GALNT2: variants seen among roughly 807,000 people sequenced by gnomAD.
The protein encoded by GALNT2 is UDP-GalNAc:polypeptide N-acetylgalactosaminyltransferase 2.
A neutral mutation model predicts 81.4 loss-of-function variants in GALNT2; 31 were observed. The observed-to-expected ratio is 0.38, with a 90% CI of 0.29 to 0.51. The LOEUF (loss-of-function observed/expected upper bound fraction) is 0.51, where lower values mean the gene tolerates loss of function less well. Ranked by LOEUF, GALNT2 falls within the 20% of genes least tolerant of loss-of-function variation. GALNT2 has a pLI of 0.87. For synonymous variants in GALNT2, 303 were observed against 287.4 expected, an observed-to-expected ratio of 1.05 and a Z score of -0.55; for missense variants, 629 against 765.7, an observed-to-expected ratio of 0.82 and a Z score of 2.11.
chr1:230,218,894 G>A (rs116622929), intron 3 of GALNT2, among the ~76,000 whole-genome samples: 440 of 152,322 alleles, frequency 2.9e-3, no homozygotes, highest in East Asian at 0.012. Flanking sequence ...AAACATTACC[G>A]CCTGAGCTCC....
At chr1:230,266,099 C>G (rs1275869051) in intron 14 of GALNT2, among the ~76,000 whole-genome samples, 1 of 152,148 alleles carries the variant, frequency 6.6e-6, no homozygotes, top group Non-Finnish European at 1.5e-5. Flanking sequence ...GAGGCTGAGG[C>G]AGGAGAATTG....
chr1:230,219,138 G>A (rs953373054), intron 3 of GALNT2, among the ~76,000 whole-genome samples: 4 of 152,220 alleles, frequency 2.6e-5, no homozygotes, highest in Admixed American at 2.6e-4. Context: ...TGGCTTAAGG[G>A]ACACTGGGTT....
At chr1:230,090,011 A>G (rs1481938355) in intron 1 of GALNT2, among the ~76,000 whole-genome samples, 2 of 152,082 alleles carry the variant, frequency 1.3e-5, no homozygotes, top group Non-Finnish European at 2.9e-5. Flanking sequence ...ATTCCCACCA[A>G]CTGTACACAA....
intron 1 of GALNT2, among the ~76,000 whole-genome samples, chr1:230,075,474 C>CT (rs1177483529): frequency 1.3e-5 from 2 of 152,202 alleles, no homozygotes; most frequent in Admixed American, 1.3e-4. Context: ...TCCTACCCTC[C>CT]AGGCCTCTGC....
intron 3 of GALNT2, among the ~76,000 whole-genome samples, chr1:230,229,841 G>A (rs939684060): frequency 3.0e-4 from 45 of 152,108 alleles, no homozygotes; most frequent in Admixed American, 1.0e-3. Flanking sequence ...AAAATGCTTG[G>A]TATAATTTAT....
At chr1:230,218,793 A>G (rs1275395713) in intron 3 of GALNT2, among the ~76,000 whole-genome samples, 2 of 152,242 alleles carry the variant, frequency 1.3e-5, no homozygotes, top group African/African-American at 4.8e-5. Context: ...GGCTTAAAGC[A>G]GGAGTCCCCA....
At chr1:230,071,405 A>G (rs1448725609) in intron 1 of GALNT2, among the ~76,000 whole-genome samples, 2 of 152,198 alleles carry the variant, frequency 1.3e-5, no homozygotes, top group Non-Finnish European at 2.9e-5. Context: ...TGGAGGGTGC[A>G]GCTTGCCTTG....
At chr1:230,080,743 G>A (rs887685677) in intron 1 of GALNT2, among the ~76,000 whole-genome samples, 2 of 152,136 alleles carry the variant, frequency 1.3e-5, no homozygotes, top group Non-Finnish European at 2.9e-5. Flanking sequence ...TTAGCTCTGT[G>A]GCCTCAGGCA....
At position 230,262,566 on chromosome 1, in the gene GALNT2, T is replaced by C. The variant is rs764912040; in HGVS notation, c.1137-7T>C. Reference sequence around the variant, plus strand: ...AAATCACACCTCAAGATTTATTTTCTTTCTAGAAACACCCGCCGGGCAGCA... The same window carrying C: ...AAATCACACCTCAAGATTTATTTTCCTTCTAGAAACACCCGCCGGGCAGCA... On this transcript the variant is annotated splice_region_variant and splice_polypyrimidine_tract_variant and intron_variant, in intron 11 of 15. Transcript: ENST00000366672. 6.2e-7 allele frequency: 1 copy of C among 1,612,436 alleles called. No homozygotes were observed. The highest frequency in any genetic ancestry group is 8.5e-7 in the Non-Finnish European group (1 of 1,178,528).
At chr1:230,178,388 G>T in intron 2 of GALNT2, 77 bp downstream of exon 2, 1 of 1,108,440 alleles carries the variant, frequency 9.0e-7, no homozygotes, top group South Asian at 1.4e-5. Context: ...CTTGGAGCAG[G>T]TGGTCTGTGG....
At chr1:230,273,369 A>G (rs1441805218) in intron 14 of GALNT2, among the ~76,000 whole-genome samples, 2 of 152,262 alleles carry the variant, frequency 1.3e-5, no homozygotes, top group Admixed American at 6.5e-5. Context: ...AAAGACAGAC[A>G]GACAGACGGA....
At chr1:230,082,148 CA>C (rs1286090476) in intron 1 of GALNT2, among the ~76,000 whole-genome samples, 1 of 152,164 alleles carries the variant, frequency 6.6e-6, no homozygotes, top group East Asian at 1.9e-4. Context: ...CAGGCTTTTC[CA>C]TCCTTCTTCT....
chr1:230,274,370 CCCTCATCGATG>C, intron 14 of GALNT2, 64 bp from the exon 15 acceptor site: 1 of 1,553,506 alleles, frequency 6.4e-7, no homozygotes, highest in South Asian at 1.2e-5. Flanking sequence ...CCTTTTTGAG[CCCTCATCGATG>C]CCCCTTCTTT....
chr1:230,168,496 G>A (rs978938140), intron 1 of GALNT2, among the ~76,000 whole-genome samples: 11 of 152,274 alleles, frequency 7.2e-5, no homozygotes, highest in Admixed American at 2.0e-4. Flanking sequence ...ATTGGCTTTC[G>A]AGCATTTATC....
chr1:230,141,707 C>T (rs1483599647), intron 1 of GALNT2, among the ~76,000 whole-genome samples: 1 of 151,514 alleles, frequency 6.6e-6, no homozygotes, highest in Non-Finnish European at 1.5e-5. Flanking sequence ...ACACGTGGGT[C>T]CTTATGGCTA....
At chr1:230,211,731 C>G (rs935085573) in intron 3 of GALNT2, among the ~76,000 whole-genome samples, 14 of 152,132 alleles carry the variant, frequency 9.2e-5, no homozygotes, top group African/African-American at 3.4e-4. Context: ...TATGATCATG[C>G]TATTGCACTC....
chr1:230,192,677 T>C (rs1361791302), intron 2 of GALNT2, among the ~76,000 whole-genome samples: 1 of 152,268 alleles, frequency 6.6e-6, no homozygotes, highest in Non-Finnish European at 1.5e-5. Context: ...GGTATATTTT[T>C]AGTTGTTTTG....
chr1:230,171,697 T>G (rs1335235020), intron 1 of GALNT2, among the ~76,000 whole-genome samples: 6 of 152,248 alleles, frequency 3.9e-5, no homozygotes, highest in East Asian at 3.8e-4. Context: ...GGAAGCAGCT[T>G]TGGATGATTT....
In GALNT2 at chr1:230,090,423, C is replaced by T. The variant is rs1660035898; in HGVS notation, c.126+23017C>T. Reference sequence around the variant, plus strand: ...AGCAGAGCCTGCTGCCCCTCCACAGCCTCTGCAAATGCCGTGTGAAGGTGG... The same window carrying T: ...AGCAGAGCCTGCTGCCCCTCCACAGTCTCTGCAAATGCCGTGTGAAGGTGG... On this transcript the variant is annotated intron_variant, in intron 1 of 15. Transcript: ENST00000366672. 2.6e-5 allele frequency among the ~76,000 whole-genome samples: 4 copies of T among 152,140 alleles called. No homozygotes were observed. In the South Asian group the frequency reaches 8.3e-4, roughly 32 times the overall value.
Sources: allele counts gnomAD v4.1 joint callset (sites outside exome capture counted in the v4.1 genomes callset), GRCh38; gene constraint gnomAD v4.1.1; transcripts MANE v1.5; gene names NCBI Gene and HGNC (gene_info 2026-07-23, HGNC 2026-07-21).